The following SPIRE2 variants were observed in gnomAD, a reference collection of about 807,000 sequenced individuals.
SPIRE2 encodes the protein spire type actin nucleation factor 2, also known as protein spire homolog 2.
Under a neutral mutation model 80.7 loss-of-function variants are expected in SPIRE2, and 76 were observed. The ratio of observed to expected loss-of-function variants is 0.94; its 90% confidence interval spans 0.78 to 1.14. The LOEUF is 1.14. Ranked by LOEUF, SPIRE2 falls within the 50% of genes most tolerant of loss-of-function variation. SPIRE2 has a pLI of 0.00. For missense variants in SPIRE2, 1,196 were observed against 1,015.3 expected (o/e 1.18, Z -2.42); for synonymous variants, 535 against 432.6 (o/e 1.24, Z -2.94).
At chr16:89,864,489 T>A (rs2041772232) in intron 12 of SPIRE2, among the ~76,000 whole-genome samples, 1 of 152,210 alleles carries the variant, frequency 6.6e-6, no homozygotes, top group South Asian at 2.1e-4. Flanking sequence ...GCCACACCCA[T>A]TTATTACTCG....
chr16:89,838,018 A>T lies in SPIRE2; in HGVS notation c.245-7304A>T, dbSNP rs2108838. Among the ~76,000 whole-genome samples the T allele has an allele frequency of 6.1e-3, 927 of 151,446 alleles. 3 individuals carry two copies. Among genetic ancestry groups the T allele is most frequent in the African/African-American group, 0.01 (421 of 41,328 alleles). On this transcript the variant is annotated intron_variant, in intron 1 of 14. Coordinates refer to ENST00000378247, the MANE Select transcript of SPIRE2 (RefSeq NM_032451.2). ...CTCAGCAGCTTCTTTTTTTGTTTTT[A>T]TTTTTTTTTCTGAGACAAGTCTTGC...
In SPIRE2 at chr16:89,854,490, C is replaced by G. The variant is rs141713911; in HGVS notation, c.730C>G (p.Arg244Gly). Residue 244 changes from arginine to glycine, a missense_variant, in exon 5 of 15, where the codon CGA becomes GGA. By Grantham distance (125) the Arg-to-Gly change is moderately radical (BLOSUM62 -2). Transcript: ENST00000378247. The part of the protein sequence containing the change: ...LDSLGHTDWA[R>G]LWVQLMRELR... ...ATTCTCTTCCCCTGGGGCCCAGGCC[C>G]GACTGTGGGTTCAGCTCATGCGGGA... 3.7e-4 allele frequency: 592 copies of G among 1,612,008 alleles called. 1 individual carries two copies. The highest frequency in any genetic ancestry group is 3.3e-4 in the Middle Eastern group (2 of 6,078).
chr16:89,860,774 C>G lies in SPIRE2; in HGVS notation c.1554C>G (p.Pro518=), dbSNP rs780265170. ...ACAGACCCGAGGCCTCCATGACCCC[C>G]GATGCCAAACACCTGTGGCTGGTGA... The part of the protein sequence containing the change: ...SGDRPEASMT[P]DAKHLWLEFS... The change falls in exon 10 of 15, where the codon CCC becomes CCG. Residue 518 remains proline (P), a synonymous_variant. Coordinates refer to ENST00000378247, the MANE Select transcript of SPIRE2 (RefSeq NM_032451.2). 5 of 1,544,430 alleles carry G rather than the reference C, an allele frequency of 3.2e-6. No individual in the cohort carries two copies. Among genetic ancestry groups the G allele is most frequent in the Non-Finnish European group, 3.5e-6 (4 of 1,146,240 alleles).
At chr16:89,834,841 C>T (rs1598216420) in intron 1 of SPIRE2, among the ~76,000 whole-genome samples, 1 of 101,388 alleles carries the variant, frequency 9.9e-6, no homozygotes, top group Admixed American at 1.1e-4. Flanking sequence ...GTAGAAGGCC[C>T]CATAAGCATA....
Position 89,828,563 on chromosome 16 carries a change from G to T in SPIRE2, c.13G>T (p.Gly5Cys). 8.8e-7 allele frequency: 1 copy of T among 1,140,730 alleles called. No homozygotes were observed. Among genetic ancestry groups the T allele is most frequent in the Non-Finnish European group, 1.1e-6 (1 of 933,722 alleles). 70.7% of individuals were successfully genotyped at this position (1,140,730 alleles called of 1,614,324 possible). A position where few individuals can be genotyped will look rare whatever the true frequency, so the allele number is the denominator to read the frequency against. ...TGACGGCCCCGCCATGGCCCGGGCG[G>T]GCAGCTGCGGCGGCGCCGCGGCGGG... MARA[G>C]SCGGAAAGAG... Residue 5 changes from glycine (G) to cysteine (C), a missense_variant, in exon 1 of 15, where the codon GGC becomes TGC. Coordinates refer to ENST00000378247, the MANE Select transcript of SPIRE2 (RefSeq NM_032451.2). The surrounding 1 kb of genome is among the most constrained non-coding windows in gnomAD (Gnocchi z 5.9).
At chr16:89,853,719 C>T (rs148047900) in intron 3 of SPIRE2, among the ~76,000 whole-genome samples, 17 of 152,200 alleles carry the variant, frequency 1.1e-4, no homozygotes, top group East Asian at 3.9e-4. Context: ...TCGTGCGTGA[C>T]GGAGGCAGCA....
At chr16:89,869,317 T>C (rs2041818566) in intron 13 of SPIRE2, among the ~76,000 whole-genome samples, 3 of 151,466 alleles carry the variant, frequency 2.0e-5, no homozygotes, top group Admixed American at 6.6e-5. Context: ...AGGTCCCGCA[T>C]GGTATAAAAA....
intron 3 of SPIRE2, among the ~76,000 whole-genome samples, chr16:89,852,761 C>T (rs1366494185): frequency 1.6e-5 from 1 of 62,808 alleles, no homozygotes; most frequent in Non-Finnish European, 3.5e-5. Context: ...TTCCGTCCTC[C>T]CTCTCACCCC....
At chr16:89,843,667 G>GTT (rs746543138) in intron 1 of SPIRE2, among the ~76,000 whole-genome samples, 2 of 60,402 alleles carry the variant, frequency 3.3e-5, no homozygotes, top group Non-Finnish European at 5.6e-5. Flanking sequence ...TTGCTGCCAC[G>GTT]TTTTTTTTTT....
intron 1 of SPIRE2, among the ~76,000 whole-genome samples, chr16:89,844,593 C>T (rs996814501): frequency 6.6e-6 from 1 of 152,094 alleles, no homozygotes; most frequent in African/African-American, 2.4e-5. Context: ...TGCCCGCCAC[C>T]ACGCCTGGCT....
In SPIRE2 at chr16:89,863,583, G is replaced by A. The variant is rs773362378; in HGVS notation, c.1683G>A (p.Glu561=). 1.2e-5 allele frequency: 20 copies of A among 1,614,128 alleles called. No individual in the cohort carries two copies. Among genetic ancestry groups the A allele is most frequent in the South Asian group, 2.2e-5 (2 of 91,092 alleles). ...TGGAAAAGTTTTTGCAGAACAAGGAGCTCTTCAGCAGTCTGAAGAAGGGGA... is the reference window on the plus strand; with the variant it reads ...TGGAAAAGTTTTTGCAGAACAAGGAACTCTTCAGCAGTCTGAAGAAGGGGA... ...AEMEKFLQNK[E]LFSSLKKGKI... is the part of the protein sequence containing the mutation. Residue 561 remains glutamate (E), a synonymous_variant, in exon 11 of 15, where the codon GAG becomes GAA. Transcript: ENST00000378247. This position sits in a 1 kb window ranked among gnomAD's most constrained non-coding sequence, Gnocchi z 4.3.
chr16:89,863,810 G>A lies in SPIRE2; in HGVS notation c.1727G>A (p.Arg576Gln), dbSNP rs764492058. The A allele has an allele frequency of 1.2e-5, 19 of 1,613,902 alleles. No individual in the cohort carries two copies. The highest frequency in any genetic ancestry group is 2.2e-5 in the East Asian group (1 of 44,888). Reference sequence around the variant, plus strand: ...TCCTGACAGATTTGCTGCTGCTGCCGGGCCAAGTTCCCGCTGTTCTCGTGG... The same window carrying A: ...TCCTGACAGATTTGCTGCTGCTGCCAGGCCAAGTTCCCGCTGTTCTCGTGG... Reference protein sequence around the residue: ...LKKGKICCCCRAKFPLFSWPP... With the variant: ...LKKGKICCCCQAKFPLFSWPP... The change falls in exon 12 of 15, where the codon CGG becomes CAG. Residue 576 changes from arginine to glutamine, a missense_variant. Coordinates refer to ENST00000378247, the MANE Select transcript of SPIRE2 (RefSeq NM_032451.2). The surrounding 1 kb of genome is among the most constrained non-coding windows in gnomAD (Gnocchi z 4.3).
intron 7 of SPIRE2, among the ~76,000 whole-genome samples, chr16:89,856,625 T>G (rs1459263637): frequency 6.7e-6 from 1 of 149,312 alleles, no homozygotes; most frequent in Non-Finnish European, 1.5e-5. Context: ...TTTTTTTTTT[T>G]TTTTTTGTAG....
At chr16:89,845,407 A>G (rs1366208328) in intron 2 of SPIRE2, 42 bp downstream of exon 2, 2 of 1,496,786 alleles carry the variant, frequency 1.3e-6, no homozygotes, top group Non-Finnish European at 1.9e-6. Context: ...ATGTGTGTTA[A>G]AACGTACCTG....
intron 1 of SPIRE2, among the ~76,000 whole-genome samples, chr16:89,829,345 A>G (rs1225209925): frequency 4.6e-5 from 7 of 152,206 alleles, no homozygotes; most frequent in Admixed American, 2.0e-4. Flanking sequence ...TTAACCATCA[A>G]CCAGAACCAA....
intron 7 of SPIRE2, 69 bp from the exon 8 acceptor site, chr16:89,858,269 A>G (rs2143818351): frequency 7.0e-7 from 1 of 1,433,998 alleles, no homozygotes; most frequent in Non-Finnish European, 9.3e-7. Context: ...GGTGCACACA[A>G]AGCTGTCAGC....
intron 2 of SPIRE2, among the ~76,000 whole-genome samples, chr16:89,848,606 G>A (rs2041588210): frequency 6.6e-6 from 1 of 150,808 alleles, no homozygotes. Context: ...AGGTTCCAGG[G>A]CCTTCTGCGG....
intron 10 of SPIRE2, 99 bp downstream of exon 10, chr16:89,860,894 T>C (rs975926632): frequency 2.8e-6 from 2 of 720,084 alleles, no homozygotes; most frequent in South Asian, 4.1e-5. Flanking sequence ...TCTGAGCACC[T>C]GTCTGGGGGG....
chr16:89,843,427 G>A (rs1598221255), intron 1 of SPIRE2, among the ~76,000 whole-genome samples: 1 of 151,922 alleles, frequency 6.6e-6, no homozygotes, highest in Non-Finnish European at 1.5e-5. Flanking sequence ...CTCGGACTGT[G>A]GTTCTCTAAG....
Sources: allele counts gnomAD v4.1 joint callset (sites outside exome capture counted in the v4.1 genomes callset), GRCh38; gene constraint gnomAD v4.1.1; non-coding constraint Gnocchi (gnomAD v3.1); transcripts MANE v1.5; gene names NCBI Gene and HGNC (gene_info 2026-07-23, HGNC 2026-07-21).